RBMS3: variants seen among roughly 807,000 people sequenced by gnomAD.
The protein encoded by RBMS3 is RNA binding motif single stranded interacting protein 3, also known as RNA-binding motif, single-stranded-interacting protein 3.
RBMS3 carries 27 observed loss-of-function variants against 66.8 expected under a neutral mutation model. The ratio of observed to expected loss-of-function variants is 0.40; its 90% CI spans 0.30 to 0.56. The LOEUF is 0.56. Ranked by LOEUF, RBMS3 falls within the 20% of genes least tolerant of loss-of-function variation. The pLI, the probability that RBMS3 is intolerant of heterozygous loss-of-function variation, is 0.40. For missense variants in RBMS3, 513 were observed against 549.5 expected, an observed-to-expected ratio of 0.93 and a Z score of 0.66; for synonymous variants, 188 against 183.0, an observed-to-expected ratio of 1.03 and a Z score of -0.22.
At chr3:29,839,731 T>G (rs924695384) in intron 6 of RBMS3, among the ~76,000 whole-genome samples, 9 of 151,814 alleles carry the variant, frequency 5.9e-5, no homozygotes, top group African/African-American at 1.9e-4. Context: ...AAAATGATAA[T>G]AGTCATTGGT....
chr3:29,446,105 A>G (rs1312610805), intron 2 of RBMS3, among the ~76,000 whole-genome samples: 2 of 152,188 alleles, frequency 1.3e-5, no homozygotes, highest in Non-Finnish European at 2.9e-5. Flanking sequence ...ATCCTACTTA[A>G]GAAAACAAAG....
intron 10 of RBMS3, among the ~76,000 whole-genome samples, chr3:29,917,284 A>G (rs2060660949): frequency 6.6e-6 from 1 of 152,122 alleles, no homozygotes; most frequent in Non-Finnish European, 1.5e-5. Context: ...TTTGTCTTTT[A>G]GAACCCCAGC....
intron 3 of RBMS3, chr3:29,537,692 C>G (rs1411795574): frequency 6.6e-6 from 1 of 152,160 alleles, no homozygotes; most frequent in African/African-American, 2.4e-5. Context: ...GCGTGGCGGC[C>G]TGAGCCTTTA....
At chr3:29,633,928 TA>T (rs2049375712) in intron 4 of RBMS3, among the ~76,000 whole-genome samples, 2 of 151,908 alleles carry the variant, frequency 1.3e-5, no homozygotes, top group Non-Finnish European at 2.9e-5. Context: ...TCTTTTTTTC[TA>T]AAAGAGCATT....
intron 4 of RBMS3, among the ~76,000 whole-genome samples, chr3:29,663,109 A>G (rs2050618469): frequency 6.6e-6 from 1 of 152,146 alleles, no homozygotes. Flanking sequence ...CAGTCATACA[A>G]TGCCTCTCAT....
At chr3:29,921,597 CA>C (rs1464520822) in intron 10 of RBMS3, among the ~76,000 whole-genome samples, 1 of 152,006 alleles carries the variant, frequency 6.6e-6, no homozygotes, top group Non-Finnish European at 1.5e-5. Context: ...TGGCCTTGAT[CA>C]GAGCTAAGGA....
chr3:29,482,942 G>C (rs1442350425), intron 2 of RBMS3, among the ~76,000 whole-genome samples: 1 of 151,442 alleles, frequency 6.6e-6, no homozygotes, highest in Non-Finnish European at 1.5e-5. Context: ...TCCTAACCTC[G>C]TGATCTACCC....
chr3:29,294,094 A>G (rs1296700953), intron 1 of RBMS3, among the ~76,000 whole-genome samples: 2 of 151,944 alleles, frequency 1.3e-5, no homozygotes, highest in African/African-American at 4.8e-5. Context: ...ATGCCCTGCA[A>G]TGTATAGTAT....
At chr3:29,365,992 A>T (rs888367653) in intron 1 of RBMS3, among the ~76,000 whole-genome samples, 1 of 152,098 alleles carries the variant, frequency 6.6e-6, no homozygotes, top group Non-Finnish European at 1.5e-5. Flanking sequence ...ATTTGCTCTT[A>T]TTATTTTGAC....
At position 29,890,698 on chromosome 3, in the gene RBMS3, G is replaced by A. The variant is rs928925932; in HGVS notation, c.791+6490G>A. ...AGGAGATAGAATACAAAACTATTGC[G>A]ATTAAACCACAAAGTACTATAAGAT... On this transcript the variant is annotated intron_variant, in intron 8 of 14. Coordinates refer to ENST00000383767, the MANE Select transcript of RBMS3 (RefSeq NM_001003793.3). Among the ~76,000 whole-genome samples the A allele has an allele frequency of 4.6e-5, 7 of 151,488 alleles. No individual in the cohort carries two copies. The East Asian group carries it at 5.9e-4, about 13-fold the overall frequency.
At chr3:29,535,710 C>CTTTTGTTTTT (rs2045527910) in intron 3 of RBMS3, among the ~76,000 whole-genome samples, 1 of 39,732 alleles carries the variant, frequency 2.5e-5, no homozygotes, top group Non-Finnish European at 4.2e-5. Flanking sequence ...GATCATTGCT[C>CTTTTGTTTTT]TTTTTTTTTT....
chr3:29,323,495 A>G, intron 1 of RBMS3, among the ~76,000 whole-genome samples: 1 of 152,070 alleles, frequency 6.6e-6, no homozygotes, highest in Non-Finnish European at 1.5e-5. Flanking sequence ...AATCTATGTT[A>G]TTTATATTAT....
intron 10 of RBMS3, among the ~76,000 whole-genome samples, chr3:29,909,547 G>A (rs1052452273): frequency 3.3e-5 from 5 of 152,090 alleles, no homozygotes; most frequent in Non-Finnish European, 7.4e-5. Context: ...GCACAGGAGT[G>A]TCTAGGGGCA....
intron 6 of RBMS3, among the ~76,000 whole-genome samples, chr3:29,784,544 G>A (rs1418166232): frequency 1.3e-5 from 2 of 152,106 alleles, no homozygotes; most frequent in Admixed American, 6.5e-5. Context: ...GTGGTGCTAA[G>A]AGGAAAGTTC....
At chr3:29,754,486 C>T (rs79539633) in intron 5 of RBMS3, among the ~76,000 whole-genome samples, 3,722 of 152,178 alleles carry the variant, frequency 0.024, 70 homozygotes, top group Non-Finnish European at 0.038. Flanking sequence ...GGAGGGCTTA[C>T]CCAGTTGACT....
At chr3:29,448,991 A>C (rs796335121) in intron 2 of RBMS3, among the ~76,000 whole-genome samples, 4 of 152,242 alleles carry the variant, frequency 2.6e-5, no homozygotes, top group African/African-American at 9.6e-5. Context: ...TAAGTTGTTG[A>C]ACTAGACCTT....
intron 6 of RBMS3, among the ~76,000 whole-genome samples, chr3:29,809,301 C>T (rs1424899529): frequency 1.3e-5 from 2 of 148,976 alleles, no homozygotes; most frequent in Middle Eastern, 3.3e-3. Flanking sequence ...ATTTGAAGTG[C>T]TAGTTATGTT....
intron 1 of RBMS3, among the ~76,000 whole-genome samples, chr3:29,303,890 A>G (rs1169461019): frequency 1.3e-5 from 2 of 152,010 alleles, no homozygotes; most frequent in African/African-American, 4.8e-5. Flanking sequence ...GGTGAAAGGC[A>G]CTTCTTACAT....
chr3:29,767,742 C>T (rs2055997953), intron 6 of RBMS3, among the ~76,000 whole-genome samples: 1 of 150,526 alleles, frequency 6.6e-6, no homozygotes, highest in African/African-American at 2.5e-5. Context: ...ACATTCCTGC[C>T]AGAGTAAAAT....
Sources: allele counts gnomAD v4.1 joint callset (sites outside exome capture counted in the v4.1 genomes callset), GRCh38; gene constraint gnomAD v4.1.1; transcripts MANE v1.5; gene names NCBI Gene and HGNC (gene_info 2026-07-23, HGNC 2026-07-21).